Variants in TRPM3 observed in about 807,000 individuals in gnomAD.
TRPM3 encodes transient receptor potential cation channel subfamily M member 3, also known as long transient receptor potential channel 3.
Under a neutral mutation model 181.2 loss-of-function variants are expected in TRPM3, and 77 were observed. The ratio of observed to expected loss-of-function variants is 0.42; its 90% CI spans 0.35 to 0.51. The LOEUF (loss-of-function observed/expected upper bound fraction) is 0.51, where lower values mean the gene tolerates loss of function less well. Ranked by LOEUF, TRPM3 falls within the 20% of genes least tolerant of loss-of-function variation. TRPM3 has a pLI of 0.01. For synonymous variants in TRPM3, 745 were observed against 796.4 expected, an observed-to-expected ratio of 0.94 and a Z score of 1.09; for missense variants, 1,759 against 2,196.7, an observed-to-expected ratio of 0.80 and a Z score of 3.98.
At chr9:71,052,401 G>A (rs1323665931) in intron 1 of TRPM3, among the ~76,000 whole-genome samples, 1 of 152,124 alleles carries the variant, frequency 6.6e-6, no homozygotes. Context: ...TTAGCTGGCT[G>A]TAGCTTCCTG....
At chr9:70,791,396 G>T (rs991289221) in intron 6 of TRPM3, among the ~76,000 whole-genome samples, 1 of 152,178 alleles carries the variant, frequency 6.6e-6, no homozygotes. Flanking sequence ...TTGAAAGATA[G>T]CTTGGGTCCT....
chr9:71,162,366 A>G (rs2134715211), intron 1 of TRPM3, among the ~76,000 whole-genome samples: 1 of 152,222 alleles, frequency 6.6e-6, no homozygotes, highest in South Asian at 2.1e-4. Context: ...ATTAACAGTC[A>G]TCATGACAGA....
At chr9:70,915,625 C>T (rs896139776) in intron 1 of TRPM3, among the ~76,000 whole-genome samples, 1 of 151,362 alleles carries the variant, frequency 6.6e-6, no homozygotes, top group Admixed American at 6.6e-5. Context: ...CTTTTAATAG[C>T]AGACTTGATC....
chr9:71,088,901 G>A (rs1376357921), intron 1 of TRPM3, among the ~76,000 whole-genome samples: 3 of 151,662 alleles, frequency 2.0e-5, no homozygotes, highest in African/African-American at 7.3e-5. Flanking sequence ...GGAAAGAGAG[G>A]GAGAAAAGGG....
intron 1 of TRPM3, among the ~76,000 whole-genome samples, chr9:71,037,396 T>C (rs1272294539): frequency 6.6e-6 from 1 of 152,226 alleles, no homozygotes; most frequent in Non-Finnish European, 1.5e-5. Context: ...TTAATTTTAC[T>C]GGGTTACATC....
intron 6 of TRPM3, among the ~76,000 whole-genome samples, chr9:70,808,401 A>G (rs1247067595): frequency 6.6e-6 from 1 of 152,242 alleles, no homozygotes; most frequent in Non-Finnish European, 1.5e-5. Context: ...TCCAATGTAG[A>G]AAAGTCTCTT....
intron 1 of TRPM3, among the ~76,000 whole-genome samples, chr9:70,970,000 G>C (rs965555792): frequency 6.6e-6 from 1 of 151,888 alleles, no homozygotes; most frequent in Non-Finnish European, 1.5e-5. Context: ...GACAAAAGCA[G>C]GGTATCAATT....
upstream of TRPM3, among the ~76,000 whole-genome samples, chr9:71,126,274 G>T (rs1163107240): frequency 1.3e-5 from 2 of 152,204 alleles, no homozygotes; most frequent in Non-Finnish European, 2.9e-5. Flanking sequence ...CTTTTACACT[G>T]TTGGTGGGAA....
Position 71,446,670 on chromosome 9 carries a change from GGAGTCCCGAGC to G in TRPM3, c.155_165del (p.Arg52ProfsTer18). 1 of 1,550,168 alleles carries G rather than the reference GGAGTCCCGAGC, an allele frequency of 6.5e-7. No homozygotes were observed. The highest frequency in any genetic ancestry group is 8.7e-7 in the Non-Finnish European group (1 of 1,146,664). ...CCACTCACCGGCGTCTGCTGCGACG[GGAGTCCCGAGC>G]GTTTGGTGGACCCCTGCTTGGAACT... On this transcript the variant is annotated frameshift_variant, in exon 1 of 25. Transcript: ENST00000357533. LOFTEE classifies it high-confidence loss of function.
At chr9:70,546,912 C>T (rs1408349782) in intron 25 of TRPM3, among the ~76,000 whole-genome samples, 3 of 152,128 alleles carry the variant, frequency 2.0e-5, no homozygotes, top group South Asian at 4.1e-4. Flanking sequence ...TGTTAATGAT[C>T]TCCTGAATAT....
chr9:70,989,827 T>C (rs1281025881), intron 1 of TRPM3, among the ~76,000 whole-genome samples: 4 of 152,218 alleles, frequency 2.6e-5, no homozygotes, highest in Admixed American at 2.0e-4. Flanking sequence ...TGATCTCTTT[T>C]ACAACCTGAA....
chr9:70,886,672 CT>C (rs560003768), intron 1 of TRPM3, among the ~76,000 whole-genome samples: 4 of 149,900 alleles, frequency 2.7e-5, no homozygotes, highest in Non-Finnish European at 3.0e-5. Context: ...TTCTTTTTTT[CT>C]TTTTTTTTGA....
chr9:70,794,554 A>T (rs1471930201), intron 6 of TRPM3, among the ~76,000 whole-genome samples: 2 of 151,770 alleles, frequency 1.3e-5, no homozygotes, highest in African/African-American at 4.8e-5. Context: ...AGCCTTGGCT[A>T]GTCTCACTCT....
intron 1 of TRPM3, among the ~76,000 whole-genome samples, chr9:71,359,814 C>A (rs2092067246): frequency 6.6e-6 from 1 of 152,080 alleles, no homozygotes; most frequent in South Asian, 2.1e-4. Context: ...CTCTGTCAAT[C>A]AATTTTCCTA....
intron 8 of TRPM3, among the ~76,000 whole-genome samples, chr9:70,686,109 T>A (rs555756880): frequency 1.4e-4 from 21 of 151,462 alleles, no homozygotes; most frequent in Admixed American, 9.9e-4. Flanking sequence ...TATATACACA[T>A]GTGTATATAT....
At chr9:71,115,868 C>T (rs538243923) in intron 1 of TRPM3, among the ~76,000 whole-genome samples, 19 of 152,284 alleles carry the variant, frequency 1.2e-4, no homozygotes, top group Admixed American at 1.1e-3. Flanking sequence ...AAGAACATTT[C>T]ACAAAAAGGC....
intron 1 of TRPM3, among the ~76,000 whole-genome samples, chr9:70,989,815 G>T (rs998481405): frequency 6.6e-6 from 1 of 152,148 alleles, no homozygotes; most frequent in African/African-American, 2.4e-5. Context: ...ATAGAAGCAT[G>T]ATGATCTCTT....
At chr9:70,614,013 G>A (rs1208116422) in intron 18 of TRPM3, among the ~76,000 whole-genome samples, 1 of 152,076 alleles carries the variant, frequency 6.6e-6, no homozygotes, top group African/African-American at 2.4e-5. Flanking sequence ...TCTGCTACAT[G>A]GTGGACCAAA....
intron 1 of TRPM3, among the ~76,000 whole-genome samples, chr9:70,965,994 A>T (rs1189187024): frequency 2.0e-5 from 3 of 151,874 alleles, no homozygotes; most frequent in African/African-American, 7.2e-5. Context: ...TATGCATCTG[A>T]CAAAGGTCTA....
Sources: gnomAD v4.1 joint callset for allele counts (sites outside exome capture counted in the v4.1 genomes callset) on GRCh38, gnomAD v4.1.1 for gene constraint, MANE v1.5 for transcripts, NCBI Gene and HGNC (gene_info 2026-07-23, HGNC 2026-07-21) for gene names.